PSMA1: variants seen among roughly 807,000 people sequenced by gnomAD.
PSMA1 encodes the protein proteasome 20S subunit alpha 1.
In PSMA1, 3 loss-of-function variants were observed where a neutral mutation model predicts 38.4. The ratio of observed to expected loss-of-function variants is 0.08; its 90% CI spans 0.04 to 0.20. PSMA1 has a LOEUF of 0.20. PSMA1 is among the 10% of genes least tolerant of loss of function. PSMA1 has a pLI of 1.00. For missense variants in PSMA1, 227 were observed against 325.3 expected (o/e 0.70, Z 2.32); for synonymous variants, 101 against 107.1 (o/e 0.94, Z 0.35).
At chr11:14,589,427 GTA>G (rs1565051948) in intron 2 of PSMA1, among the ~76,000 whole-genome samples, 1 of 150,404 alleles carries the variant, frequency 6.6e-6, no homozygotes, top group East Asian at 1.9e-4. Flanking sequence ...ATATATGTGT[GTA>G]TATATATGTG....
At chr11:14,520,262 G>T in intron 1 of PSMA1, 35 bp downstream of exon 1, 1 of 1,613,964 alleles carries the variant, frequency 6.2e-7, no homozygotes, top group Non-Finnish European at 8.5e-7. Flanking sequence ...CCAGAGCTCT[G>T]CCCTAAACCT....
At chr11:14,509,100 C>T (rs1173141158) in intron 8 of PSMA1, among the ~76,000 whole-genome samples, 1 of 152,168 alleles carries the variant, frequency 6.6e-6, no homozygotes, top group Non-Finnish European at 1.5e-5. Flanking sequence ...TGGAACTCCA[C>T]GTGTTGCTTA....
chr11:14,602,139 C>T (rs1852587897), intron 2 of PSMA1, among the ~76,000 whole-genome samples: 1 of 152,120 alleles, frequency 6.6e-6, no homozygotes, highest in Non-Finnish European at 1.5e-5. Flanking sequence ...TTTTAGATCC[C>T]TCCCATTAGA....
intron 1 of PSMA1, among the ~76,000 whole-genome samples, chr11:14,617,774 G>A (rs1239509481): frequency 6.6e-6 from 1 of 151,466 alleles, no homozygotes; most frequent in Non-Finnish European, 1.5e-5. Flanking sequence ...TACTGTTACC[G>A]CTGCTGTGAC....
At chr11:14,520,415 GC>G, upstream of PSMA1, 1 of 1,610,392 alleles carries the variant, frequency 6.2e-7, no homozygotes, top group South Asian at 1.1e-5. Flanking sequence ...CGGCGGCGGC[GC>G]AGGGTAGCGC....
At chr11:14,602,873 C>A (rs1229350253) in intron 2 of PSMA1, among the ~76,000 whole-genome samples, 1 of 152,138 alleles carries the variant, frequency 6.6e-6, no homozygotes, top group Non-Finnish European at 1.5e-5. Context: ...GAGTTCCGCT[C>A]AGAAAGATCA....
intron 3 of PSMA1, 49 bp downstream of exon 3, chr11:14,517,831 A>C: frequency 6.5e-7 from 1 of 1,534,104 alleles, no homozygotes; most frequent in Non-Finnish European, 8.8e-7. Flanking sequence ...TCTATGGTGA[A>C]ATTTACATTG....
intron 1 of PSMA1, among the ~76,000 whole-genome samples, chr11:14,614,375 G>C (rs1852744850): frequency 6.6e-6 from 1 of 151,304 alleles, no homozygotes; most frequent in Admixed American, 6.6e-5. Flanking sequence ...GAAAAATTTG[G>C]TGAATATGTT....
In PSMA1 at chr11:14,568,779, C is replaced by T. The variant is rs1442685426; in HGVS notation, c.21+42187G>A. ...ATAGCTCTTAGTGTCTTGGCTGACT[C>T]TGCTTTGGAAAGGCTTTCTGGAGTC... On this transcript the variant is annotated intron_variant, in intron 2 of 10. Coordinates refer to the PSMA1 transcript ENST00000418988. Among the ~76,000 whole-genome samples, 4 of 152,338 alleles carry T rather than the reference C, an allele frequency of 2.6e-5. No homozygotes were observed. In the East Asian group the frequency reaches 7.7e-4, roughly 29 times the overall value.
At chr11:14,532,510 C>G (rs1851658575) in intron 2 of PSMA1, among the ~76,000 whole-genome samples, 1 of 150,794 alleles carries the variant, frequency 6.6e-6, no homozygotes, top group African/African-American at 2.4e-5. Context: ...GAGGCTGAGG[C>G]AGAAGAATTG....
At chr11:14,626,106 C>T (rs1049790856) in intron 1 of PSMA1, among the ~76,000 whole-genome samples, 5 of 148,466 alleles carry the variant, frequency 3.4e-5, no homozygotes. Flanking sequence ...GTAAAGGAAT[C>T]ACTTCCTCTA....
chr11:14,520,518 T>G, upstream of PSMA1: 1 of 1,413,510 alleles, frequency 7.1e-7, no homozygotes, highest in South Asian at 1.5e-5. Context: ...TCGGAAGATC[T>G]AGGAACTGAG....
chr11:14,627,861 A>C (rs1411872348), intron 1 of PSMA1, among the ~76,000 whole-genome samples: 1 of 152,156 alleles, frequency 6.6e-6, no homozygotes, highest in East Asian at 1.9e-4. Flanking sequence ...CCATCCTTTA[A>C]GACAGATTTT....
At chr11:14,601,993 C>A (rs537364169) in intron 2 of PSMA1, among the ~76,000 whole-genome samples, 14 of 152,322 alleles carry the variant, frequency 9.2e-5, no homozygotes, top group African/African-American at 3.4e-4. Flanking sequence ...AGTCAATCCT[C>A]TCATTCTTTA....
intron 2 of PSMA1, among the ~76,000 whole-genome samples, chr11:14,551,419 G>C (rs2134168790): frequency 6.6e-6 from 1 of 152,222 alleles, no homozygotes; most frequent in South Asian, 2.1e-4. Context: ...AGCAGAATTG[G>C]CCTGTTATTT....
At chr11:14,553,672 A>G (rs899305358) in intron 2 of PSMA1, among the ~76,000 whole-genome samples, 3 of 151,832 alleles carry the variant, frequency 2.0e-5, no homozygotes, top group African/African-American at 7.3e-5. Context: ...TTTATTACTG[A>G]GTAGTATTCC....
At chr11:14,622,393 C>T (rs534621983) in intron 1 of PSMA1, among the ~76,000 whole-genome samples, 1 of 152,282 alleles carries the variant, frequency 6.6e-6, no homozygotes, top group Non-Finnish European at 1.5e-5. Flanking sequence ...ATCTGGACTG[C>T]CTGAACATTC....
At chr11:14,610,759 A>G (rs1335253069) in intron 2 of PSMA1, 2 of 565,732 alleles carry the variant, frequency 3.5e-6, no homozygotes, top group Non-Finnish European at 6.2e-6. Context: ...TGTGCCTATG[A>G]CAAGGCTGGT....
intron 2 of PSMA1, among the ~76,000 whole-genome samples, chr11:14,593,480 C>G (rs941354838): frequency 7.9e-5 from 12 of 152,152 alleles, no homozygotes; most frequent in Admixed American, 7.9e-4. Flanking sequence ...TCTAACATAA[C>G]TTCATTGTAA....
Sources: allele counts gnomAD v4.1 joint callset (sites outside exome capture counted in the v4.1 genomes callset), GRCh38; gene constraint gnomAD v4.1.1; transcripts MANE v1.5; gene names NCBI Gene and HGNC (gene_info 2026-07-23, HGNC 2026-07-21).